The following TMEM132D variants were observed in gnomAD, a reference collection of about 807,000 sequenced individuals.
The protein encoded by TMEM132D is mature OL transmembrane protein.
In TMEM132D, 21 loss-of-function variants were observed where a neutral mutation model predicts 62.3. The observed-to-expected ratio is 0.34, with a 90% CI of 0.24 to 0.49. The LOEUF is 0.49. TMEM132D is among the 20% of genes least tolerant of loss of function. The pLI is 0.99. For synonymous variants in TMEM132D, 621 were observed against 575.6 expected (o/e 1.08, Z -1.13); for missense variants, 1,346 against 1,402.8 (o/e 0.96, Z 0.65).
intron 2 of TMEM132D, among the ~76,000 whole-genome samples, chr12:129,670,593 A>G (rs566426428): frequency 6.6e-6 from 1 of 152,168 alleles, no homozygotes; most frequent in African/African-American, 2.4e-5. Flanking sequence ...CTACCCACCA[A>G]GTTATCCTTA....
In TMEM132D at chr12:129,310,584, A is replaced by G. The variant is rs1289615334; in HGVS notation, c.1299+27050T>C. On this transcript the variant is annotated intron_variant, in intron 4 of 8. Transcript: ENST00000422113. ...TGAACCCAGGTGGAAGCCAGAAGGC[A>G]CTGAAATGCTTTAACAAAGATTGTG... Among the ~76,000 whole-genome samples, 6 of 152,222 alleles carry G rather than the reference A, an allele frequency of 3.9e-5. No individual in the cohort carries two copies. In the East Asian group the frequency reaches 1.2e-3, roughly 29 times the overall value.
intron 1 of TMEM132D, among the ~76,000 whole-genome samples, chr12:129,809,748 G>C (rs1485235338): frequency 6.6e-6 from 1 of 152,058 alleles, no homozygotes; most frequent in Non-Finnish European, 1.5e-5. Context: ...CCTCCAGTTA[G>C]CCTAATCTAG....
chr12:129,179,763 C>G (rs1878013341), intron 5 of TMEM132D, among the ~76,000 whole-genome samples: 1 of 152,124 alleles, frequency 6.6e-6, no homozygotes. Flanking sequence ...CCCGGTGGCT[C>G]ACACCTATAA....
intron 1 of TMEM132D, among the ~76,000 whole-genome samples, chr12:129,851,056 G>A (rs764420643): frequency 3.9e-5 from 6 of 152,114 alleles, no homozygotes; most frequent in African/African-American, 7.2e-5. Context: ...AAAAGGGAAC[G>A]ACATCTCAAT....
At chr12:129,531,280 G>A (rs1387183639) in intron 2 of TMEM132D, 75 bp from the exon 3 acceptor site, 6 of 1,481,168 alleles carry the variant, frequency 4.1e-6, no homozygotes, top group African/African-American at 2.8e-5. Flanking sequence ...GGGAACACGG[G>A]GAGCTTAATT....
intron 2 of TMEM132D, among the ~76,000 whole-genome samples, chr12:129,646,488 A>T (rs1312741033): frequency 6.6e-6 from 1 of 152,138 alleles, no homozygotes; most frequent in Non-Finnish European, 1.5e-5. Context: ...ACAGGGACAA[A>T]GGCTTTTGTA....
chr12:129,643,060 G>A (rs1879681491), intron 2 of TMEM132D, among the ~76,000 whole-genome samples: 1 of 151,402 alleles, frequency 6.6e-6, no homozygotes, highest in South Asian at 2.1e-4. Flanking sequence ...TAGTAGTTGG[G>A]ATTACAGGCA....
chr12:129,241,549 G>A (rs1352142465), intron 4 of TMEM132D, among the ~76,000 whole-genome samples: 1 of 152,004 alleles, frequency 6.6e-6, no homozygotes, highest in African/African-American at 2.4e-5. Context: ...CTGTTATCCT[G>A]GTTCCCTCCC....
intron 1 of TMEM132D, among the ~76,000 whole-genome samples, chr12:129,710,818 C>T (rs1013128125): frequency 2.0e-5 from 3 of 152,182 alleles, no homozygotes; most frequent in African/African-American, 7.2e-5. Context: ...CTTCCGCCGC[C>T]TCCTCTCAAT....
chr12:129,253,185 GTAAAA>G (rs1320460321), intron 4 of TMEM132D, among the ~76,000 whole-genome samples: 4 of 145,562 alleles, frequency 2.7e-5, no homozygotes, highest in Non-Finnish European at 6.0e-5. Flanking sequence ...AAAACGTAAA[GTAAAA>G]TAATAATAAT....
chr12:129,732,758 T>C (rs1379379717), intron 1 of TMEM132D, among the ~76,000 whole-genome samples: 2 of 152,166 alleles, frequency 1.3e-5, no homozygotes, highest in African/African-American at 4.8e-5. Context: ...TTTATAGCAA[T>C]GTGAGAAAGG....
At chr12:129,890,039 A>T (rs1170621446) in intron 1 of TMEM132D, among the ~76,000 whole-genome samples, 1 of 152,212 alleles carries the variant, frequency 6.6e-6, no homozygotes, top group East Asian at 1.9e-4. Context: ...ATAGTATCAA[A>T]AATCAACTTT....
intron 1 of TMEM132D, among the ~76,000 whole-genome samples, chr12:129,860,938 C>T (rs890463233): frequency 6.6e-6 from 1 of 152,152 alleles, no homozygotes; most frequent in Non-Finnish European, 1.5e-5. Context: ...GACACCTAGT[C>T]CCGCCCATGA....
At chr12:129,748,335 C>T (rs1869884340) in intron 1 of TMEM132D, among the ~76,000 whole-genome samples, 1 of 152,098 alleles carries the variant, frequency 6.6e-6, no homozygotes. Context: ...ATCGACTGTC[C>T]TAGCAATTTG....
intron 1 of TMEM132D, among the ~76,000 whole-genome samples, chr12:129,780,973 A>C (rs1268077635): frequency 6.6e-6 from 1 of 152,148 alleles, no homozygotes; most frequent in Non-Finnish European, 1.5e-5. Context: ...AAATGAGAGG[A>C]TGATTTGAGT....
intron 4 of TMEM132D, among the ~76,000 whole-genome samples, chr12:129,274,866 G>A (rs555104021): frequency 6.6e-6 from 1 of 152,312 alleles, no homozygotes; most frequent in Non-Finnish European, 1.5e-5. Flanking sequence ...CAGCCTGGGC[G>A]ACAGAGCGAG....
intron 3 of TMEM132D, among the ~76,000 whole-genome samples, chr12:129,349,199 A>G (rs1045208613): frequency 6.6e-6 from 1 of 152,244 alleles, no homozygotes; most frequent in South Asian, 2.1e-4. Context: ...GTGAACAAAT[A>G]ACCAGGCTTT....
At chr12:129,453,319 C>G (rs531384658) in intron 3 of TMEM132D, among the ~76,000 whole-genome samples, 69 of 152,286 alleles carry the variant, frequency 4.5e-4, no homozygotes, top group African/African-American at 1.6e-3. Context: ...GCAGCATGGG[C>G]TACTGGCTTT....
At chr12:129,406,301 A>G (rs181145889) in intron 3 of TMEM132D, among the ~76,000 whole-genome samples, 155 of 152,338 alleles carry the variant, frequency 1.0e-3, no homozygotes, top group African/African-American at 3.6e-3. Context: ...ATACATGTGT[A>G]CACATATGTA....
Sources: allele counts gnomAD v4.1 joint callset (sites outside exome capture counted in the v4.1 genomes callset), GRCh38; gene constraint gnomAD v4.1.1; transcripts MANE v1.5; gene names NCBI Gene and HGNC (gene_info 2026-07-23, HGNC 2026-07-21).